GRID2: variants seen among roughly 807,000 people sequenced by gnomAD.
The protein encoded by GRID2 is glutamate receptor ionotropic, delta-2.
Under a neutral mutation model 114.8 loss-of-function variants are expected in GRID2, and 33 were observed. The observed-to-expected ratio is 0.29, with a 90% CI of 0.22 to 0.38. The LOEUF is 0.38. Among genes scored for constraint, GRID2 ranks in the 10% least tolerant of loss-of-function variants. GRID2 has a pLI of 1.00. For missense variants in GRID2, 1,184 were observed against 1,257.7 expected (o/e 0.94, Z 0.89); for synonymous variants, 505 against 449.9 (o/e 1.12, Z -1.55).
At chr4:92,608,953 A>C (rs761614411) in intron 2 of GRID2, among the ~76,000 whole-genome samples, 1 of 151,810 alleles carries the variant, frequency 6.6e-6, no homozygotes, top group African/African-American at 2.4e-5. Flanking sequence ...AGGTGCATCA[A>C]TGTGCTTTCT....
chr4:93,414,206 A>C (rs1767482779), intron 9 of GRID2, among the ~76,000 whole-genome samples: 1 of 152,186 alleles, frequency 6.6e-6, no homozygotes, highest in South Asian at 2.1e-4. Context: ...CTGCCAAGTC[A>C]CTTCTGATTT....
intron 10 of GRID2, among the ~76,000 whole-genome samples, chr4:93,454,800 G>A (rs1723036773): frequency 6.6e-6 from 1 of 151,956 alleles, no homozygotes; most frequent in Non-Finnish European, 1.5e-5. Context: ...TAGTGTTTTT[G>A]TTTGTCTGGA....
At chr4:93,229,100 C>G (rs1458220786) in intron 7 of GRID2, among the ~76,000 whole-genome samples, 1 of 151,986 alleles carries the variant, frequency 6.6e-6, no homozygotes, top group Non-Finnish European at 1.5e-5. Context: ...TACATGATTA[C>G]AAATGTTCAA....
At chr4:92,972,208 T>C (rs1753565682) in intron 2 of GRID2, among the ~76,000 whole-genome samples, 1 of 152,142 alleles carries the variant, frequency 6.6e-6, no homozygotes, top group African/African-American at 2.4e-5. Context: ...CTAGCATTTT[T>C]TTTTTTTTGT....
chr4:92,500,956 T>C (rs1723655159), intron 1 of GRID2, among the ~76,000 whole-genome samples: 2 of 152,176 alleles, frequency 1.3e-5, no homozygotes, highest in Admixed American at 1.3e-4. Context: ...CTGTTCTTTG[T>C]TGCTTATCTT....
intron 4 of GRID2, among the ~76,000 whole-genome samples, chr4:93,159,395 T>G (rs1307537076): frequency 1.3e-5 from 2 of 151,750 alleles, no homozygotes; most frequent in Non-Finnish European, 2.9e-5. Flanking sequence ...AGTTATTGAG[T>G]GTTTTTGAGT....
intron 2 of GRID2, among the ~76,000 whole-genome samples, chr4:92,747,007 A>AC (rs1737180093): frequency 6.6e-6 from 1 of 152,086 alleles, no homozygotes. Flanking sequence ...TTTACTAAAC[A>AC]TATAGAGAAT....
At chr4:93,552,726 G>C (rs963393001) in intron 13 of GRID2, among the ~76,000 whole-genome samples, 2 of 151,916 alleles carry the variant, frequency 1.3e-5, no homozygotes, top group Admixed American at 1.3e-4. Flanking sequence ...GTTGGTTTGC[G>C]GCACCCATCA....
Position 93,395,716 on chromosome 4 carries a change from T to C in GRID2, c.1347+8T>C. ...CGTGTAGTAACTGTTCTGGTAAGTA[T>C]TATCTGAGCCTCGTGGTTTTGACTT... On this transcript the variant is annotated splice_region_variant and intron_variant, in intron 9 of 15. Coordinates refer to ENST00000282020, the MANE Select transcript of GRID2 (RefSeq NM_001510.4). 8.0e-7 allele frequency: 1 copy of C among 1,254,408 alleles called. No homozygotes were observed. Among genetic ancestry groups the C allele is most frequent in the Non-Finnish European group, 1.2e-6 (1 of 856,402 alleles). The allele number at this position is 1,254,408 out of a possible 1,614,324, so 77.7% of individuals were successfully genotyped here. A position where few individuals can be genotyped will look rare whatever the true frequency, so the allele number is the denominator to read the frequency against.
downstream of GRID2, chr4:93,774,658 A>C: frequency 6.6e-6 from 1 of 152,172 alleles, no homozygotes; most frequent in East Asian, 1.9e-4. Context: ...GAGTTAATTA[A>C]AGCATAAATC....
chr4:92,325,011 A>G lies in GRID2; in HGVS notation c.88+20267A>G, dbSNP rs763201519. On this transcript the variant is annotated intron_variant, in intron 1 of 15. Transcript: ENST00000282020. ...CTTTGCTTTTACATATTTCCTTCTG[A>G]TTTCAGTCTTTGTGCATGCACAACT... 4.5e-4 allele frequency among the ~76,000 whole-genome samples: 68 copies of G among 151,876 alleles called. 1 individual carries two copies. Among genetic ancestry groups the G allele is most frequent in the Non-Finnish European group, 7.4e-5 (5 of 67,862 alleles).
At chr4:93,354,551 G>A (rs984088117) in intron 8 of GRID2, among the ~76,000 whole-genome samples, 5 of 151,496 alleles carry the variant, frequency 3.3e-5, no homozygotes, top group Admixed American at 1.3e-4. Context: ...CACCATTATC[G>A]TATACAGTGA....
intron 13 of GRID2, among the ~76,000 whole-genome samples, chr4:93,561,153 T>C (rs1734887650): frequency 6.6e-6 from 1 of 152,068 alleles, no homozygotes; most frequent in Non-Finnish European, 1.5e-5. Context: ...CAAAATAATA[T>C]TGGTTATCGG....
chr4:93,660,723 G>A (rs1723415727), intron 14 of GRID2, among the ~76,000 whole-genome samples: 1 of 152,142 alleles, frequency 6.6e-6, no homozygotes. Flanking sequence ...GATGCTAACA[G>A]AAGACTCAAG....
intron 1 of GRID2, among the ~76,000 whole-genome samples, chr4:92,323,179 G>T (rs1726408332): frequency 6.6e-6 from 1 of 152,142 alleles, no homozygotes; most frequent in East Asian, 1.9e-4. Context: ...AAATCATCAA[G>T]TAACCAACAG....
intron 2 of GRID2, among the ~76,000 whole-genome samples, chr4:92,673,025 A>G (rs1437749751): frequency 6.6e-6 from 1 of 152,144 alleles, no homozygotes; most frequent in Non-Finnish European, 1.5e-5. Flanking sequence ...TATCTTCGTA[A>G]GATTTACATT....
At chr4:92,390,294 A>C (rs1730178141) in intron 1 of GRID2, among the ~76,000 whole-genome samples, 1 of 152,170 alleles carries the variant, frequency 6.6e-6, no homozygotes, top group African/African-American at 2.4e-5. Context: ...TGACAAATAA[A>C]ATTAATTGAA....
At chr4:92,452,763 C>T (rs1229755483) in intron 1 of GRID2, among the ~76,000 whole-genome samples, 1 of 150,564 alleles carries the variant, frequency 6.6e-6, no homozygotes, top group Non-Finnish European at 1.5e-5. Flanking sequence ...GAATTGTTAC[C>T]TGCCCGTTCA....
At chr4:93,307,941 T>G (rs1290574077) in intron 8 of GRID2, among the ~76,000 whole-genome samples, 2 of 130,132 alleles carry the variant, frequency 1.5e-5, no homozygotes, top group African/African-American at 9.0e-5. Context: ...TCTTTCTGAT[T>G]TTTTTTTTTA....
Sources: gnomAD v4.1 joint callset for allele counts (sites outside exome capture counted in the v4.1 genomes callset) on GRCh38, gnomAD v4.1.1 for gene constraint, MANE v1.5 for transcripts, NCBI Gene and HGNC (gene_info 2026-07-23, HGNC 2026-07-21) for gene names.